PSMA8: variants seen among roughly 807,000 people sequenced by gnomAD.
PSMA8 encodes the protein proteasome 20S subunit alpha 8.
A neutral mutation model predicts 32.4 loss-of-function variants in PSMA8; 18 were observed. The ratio of observed to expected loss-of-function variants is 0.56; its 90% CI spans 0.38 to 0.82. The LOEUF (loss-of-function observed/expected upper bound fraction) is 0.82. Among genes scored for constraint, PSMA8 ranks in the 40% least tolerant of loss-of-function variants. The pLI is 0.00. For synonymous variants in PSMA8, 104 were observed against 98.1 expected, an observed-to-expected ratio of 1.06 and a Z score of -0.36; for missense variants, 298 against 300.7, an observed-to-expected ratio of 0.99 and a Z score of 0.07.
In PSMA8 at chr18:26,133,942, G is replaced by A; in HGVS notation, c.-24G>A. On this transcript the variant is annotated 5_prime_UTR_variant, in exon 1 of 7. Transcript: ENST00000415576. ...CAGCTGCAGCAGCGGGAAGCTCGGT[G>A]GCAAGCCCTTGTAGTCCTGTGCGAT... 1 of 1,595,700 alleles carries A rather than the reference G, an allele frequency of 6.3e-7. No individual in the cohort carries two copies. Among genetic ancestry groups the A allele is most frequent in the Non-Finnish European group, 8.6e-7 (1 of 1,163,992 alleles).
intron 4 of PSMA8, among the ~76,000 whole-genome samples, chr18:26,158,452 G>A (rs547546214): frequency 6.6e-6 from 1 of 152,282 alleles, no homozygotes; most frequent in South Asian, 2.1e-4. Context: ...TTGAAAAGAT[G>A]TGACCAAAGT....
intron 3 of PSMA8, among the ~76,000 whole-genome samples, chr18:26,152,614 G>A (rs9947783): frequency 5.3e-4 from 80 of 152,008 alleles, no homozygotes; most frequent in African/African-American, 1.8e-3. Flanking sequence ...CATGAGCCAC[G>A]GTGCCTGGCC....
chr18:26,188,793 A>C (rs1181134661), intron 6 of PSMA8, among the ~76,000 whole-genome samples: 2 of 152,204 alleles, frequency 1.3e-5, no homozygotes, highest in Non-Finnish European at 2.9e-5. Context: ...CATATGCAGA[A>C]GAATGAAACT....
At chr18:26,187,902 C>T (rs1174789942) in intron 6 of PSMA8, among the ~76,000 whole-genome samples, 1 of 152,104 alleles carries the variant, frequency 6.6e-6, no homozygotes, top group Non-Finnish European at 1.5e-5. Flanking sequence ...AGCAAAGAAA[C>T]ATCAGACTTA....
intron 4 of PSMA8, among the ~76,000 whole-genome samples, chr18:26,163,069 A>G (rs979989372): frequency 7.9e-5 from 12 of 151,532 alleles, no homozygotes; most frequent in Non-Finnish European, 1.8e-4. Flanking sequence ...AATTTTTATT[A>G]CATATTAAAT....
chr18:26,166,672 G>A (rs1026854092), intron 4 of PSMA8, among the ~76,000 whole-genome samples: 4 of 152,158 alleles, frequency 2.6e-5, no homozygotes, highest in Admixed American at 1.3e-4. Flanking sequence ...CATCTTTTAC[G>A]GAACTTCATT....
At chr18:26,184,196 T>C (rs1479969154) in intron 6 of PSMA8, among the ~76,000 whole-genome samples, 1 of 150,738 alleles carries the variant, frequency 6.6e-6, no homozygotes, top group Non-Finnish European at 1.5e-5. Flanking sequence ...TATGCCTGTA[T>C]GTGTATTCAT....
Position 26,144,694 on chromosome 18 carries a change from G to A in PSMA8, c.229+9G>A, listed in dbSNP as rs1568055087. The stretch of plus-strand genomic sequence containing the variant: ...CTGCATGGCTTTTGCAGGTACTTAA[G>A]GTCCTACAATAATGATGCATAGTGT... On this transcript the variant is annotated intron_variant, in intron 2 of 6. Coordinates refer to ENST00000415576, the MANE Select transcript of PSMA8 (RefSeq NM_001025096.2). 2 of 1,613,406 alleles carry A rather than the reference G, an allele frequency of 1.2e-6. No homozygotes were observed. The highest frequency in any genetic ancestry group is 1.7e-6 in the Non-Finnish European group (2 of 1,179,620).
intron 4 of PSMA8, among the ~76,000 whole-genome samples, chr18:26,178,418 T>C (rs948238849): frequency 3.3e-5 from 5 of 152,134 alleles, no homozygotes; most frequent in Admixed American, 1.3e-4. Flanking sequence ...GAGAACAGCC[T>C]GGGCAACATA....
At chr18:26,138,341 G>C (rs1000791256) in intron 1 of PSMA8, among the ~76,000 whole-genome samples, 5 of 152,224 alleles carry the variant, frequency 3.3e-5, no homozygotes, top group Non-Finnish European at 5.9e-5. Context: ...ACTAGAGACA[G>C]AGGTAGCTTT....
At chr18:26,188,340 CAA>C (rs35512719) in intron 6 of PSMA8, among the ~76,000 whole-genome samples, 7 of 143,676 alleles carry the variant, frequency 4.9e-5, no homozygotes, top group Non-Finnish European at 6.1e-5. Context: ...AAAAGGACAC[CAA>C]AAAAAAAAAA....
chr18:26,156,049 A>G (rs2055086362), intron 3 of PSMA8, among the ~76,000 whole-genome samples: 1 of 152,358 alleles, frequency 6.6e-6, no homozygotes, highest in Non-Finnish European at 1.5e-5. Flanking sequence ...CATGTATATG[A>G]AAACATGTTC....
chr18:26,179,143 C>G lies in PSMA8; in HGVS notation c.660+13C>G. On this transcript the variant is annotated intron_variant, in intron 6 of 6. Transcript: ENST00000415576. ...TCAACCTTTGAAGGTAAGTCATTAA[C>G]CAAAGAGGAAAAAGTATCTGTAGTA... 1 of 1,596,136 alleles carries G rather than the reference C, an allele frequency of 6.3e-7. No homozygotes were observed. The highest frequency in any genetic ancestry group is 8.6e-7 in the Non-Finnish European group (1 of 1,167,966).
intron 1 of PSMA8, among the ~76,000 whole-genome samples, chr18:26,138,799 T>C (rs1360162589): frequency 2.6e-5 from 4 of 152,284 alleles, no homozygotes; most frequent in African/African-American, 7.2e-5. Flanking sequence ...AGCAGTATAC[T>C]TGTTACAATT....
At chr18:26,178,719 T>C (rs563824604) in intron 4 of PSMA8, 111 bp from the exon 5 acceptor site, 1 of 902,068 alleles carries the variant, frequency 1.1e-6, no homozygotes, top group Non-Finnish European at 1.7e-6. Context: ...TTTCATTTGG[T>C]AATTTTATTA....
At chr18:26,170,710 A>T (rs1206894242) in intron 4 of PSMA8, 1 of 1,474,690 alleles carries the variant, frequency 6.8e-7, no homozygotes, top group Non-Finnish European at 9.1e-7. Context: ...TTAAACTAGA[A>T]AACACCTTCA....
At chr18:26,151,520 A>G (rs973947177) in intron 2 of PSMA8, among the ~76,000 whole-genome samples, 1 of 152,388 alleles carries the variant, frequency 6.6e-6, no homozygotes, top group East Asian at 1.9e-4. Flanking sequence ...GACATGTCAC[A>G]GCTTTGTTAA....
intron 6 of PSMA8, among the ~76,000 whole-genome samples, chr18:26,188,053 A>G (rs114580743): frequency 0.015 from 2,305 of 152,292 alleles, 61 homozygotes; most frequent in African/African-American, 0.052. Flanking sequence ...AAGCCTTAAA[A>G]TATTCAAAAA....
intron 2 of PSMA8, among the ~76,000 whole-genome samples, chr18:26,146,597 C>CA (rs11451070): frequency 0.11 from 16,056 of 151,592 alleles, 1,310 homozygotes; most frequent in African/African-American, 0.2. Flanking sequence ...AACTTCATCT[C>CA]AAAAAAAATA....
Sources: allele counts gnomAD v4.1 joint callset (sites outside exome capture counted in the v4.1 genomes callset), GRCh38; gene constraint gnomAD v4.1.1; transcripts MANE v1.5; gene names NCBI Gene and HGNC (gene_info 2026-07-23, HGNC 2026-07-21).